Variants in ZNF423 observed in about 807,000 individuals in gnomAD.
The protein encoded by ZNF423 is Ebf-associated zinc finger protein.
ZNF423 carries 12 observed loss-of-function variants against 95.8 expected under a neutral mutation model. The ratio of observed to expected loss-of-function variants is 0.13; its 90% CI spans 0.08 to 0.20. The LOEUF (loss-of-function observed/expected upper bound fraction) is 0.20, where lower values mean the gene tolerates loss of function less well. Among genes scored for constraint, ZNF423 ranks in the 10% least tolerant of loss-of-function variants. The probability of loss-of-function intolerance (pLI) is 1.00; values close to 1 mark genes in which losing one functional copy is unlikely to be tolerated. For missense variants in ZNF423, 1,316 were observed against 1,737.1 expected, an observed-to-expected ratio of 0.76 and a Z score of 4.31; for synonymous variants, 749 against 711.9, an observed-to-expected ratio of 1.05 and a Z score of -0.83.
rs1255081460 is a variant in ZNF423, at chr16:49,855,399, G to A, written c.40+336C>T. ...ACCCCTTGATTGGCCACACGGGCCC[G>A]GGCCCCGCACGGAGGGAGCGGCAAG... is the stretch of plus-strand genomic sequence containing the variant. On this transcript the variant is annotated intron_variant, in intron 1 of 7. Transcript: ENST00000563137. This position sits in a 1 kb window ranked among gnomAD's most constrained non-coding sequence, Gnocchi z 4.7. Among the ~76,000 whole-genome samples the A allele has an allele frequency of 4.7e-5, 7 of 149,342 alleles. No homozygotes were observed. Among genetic ancestry groups the A allele is most frequent in the African/African-American group, 1.5e-4 (6 of 40,342 alleles).
intron 5 of ZNF423, among the ~76,000 whole-genome samples, chr16:49,529,467 C>A (rs1398570507): frequency 6.6e-6 from 1 of 152,146 alleles, no homozygotes; most frequent in African/African-American, 2.4e-5. Flanking sequence ...ATAGGATGTG[C>A]TTTTGCTTAA....
rs2035354541 is a variant in ZNF423, at chr16:49,855,520, G to GCCGCCGCCGCCGCCGCCGCCGCCT, written c.40+214_40+215insAGGCGGCGGCGGCGGCGGCGGCGG. ...TCCGCGGCGTACCCCCTCCGCCGCC[G>GCCGCCGCCGCCGCCGCCGCCGCCT]CCGCCGCCGCCGCCGCCTCCGCCTC... On this transcript the variant is annotated intron_variant, in intron 1 of 7. Coordinates refer to ENST00000563137, the MANE Select transcript of ZNF423 (RefSeq NM_001379286.1). This position sits in a 1 kb window ranked among gnomAD's most constrained non-coding sequence, Gnocchi z 4.7. Among the ~76,000 whole-genome samples, 3 of 145,468 alleles carry GCCGCCGCCGCCGCCGCCGCCGCCT rather than the reference G, an allele frequency of 2.1e-5. No individual in the cohort carries two copies. Among genetic ancestry groups the GCCGCCGCCGCCGCCGCCGCCGCCT allele is most frequent in the South Asian group, 2.3e-4 (1 of 4,436 alleles).
At chr16:49,537,552 A>C (rs1969095354) in intron 5 of ZNF423, among the ~76,000 whole-genome samples, 1 of 152,186 alleles carries the variant, frequency 6.6e-6, no homozygotes, top group African/African-American at 2.4e-5. Context: ...CATGATTGCG[A>C]CGCTAATACC....
chr16:49,843,417 C>T (rs2035211893), intron 1 of ZNF423, among the ~76,000 whole-genome samples: 1 of 152,184 alleles, frequency 6.6e-6, no homozygotes, highest in Admixed American at 6.5e-5. Flanking sequence ...TTACCCCCAT[C>T]CTCAGAGATT....
intron 1 of ZNF423, among the ~76,000 whole-genome samples, chr16:49,823,269 T>A (rs1042373370): frequency 6.6e-6 from 1 of 152,246 alleles, no homozygotes; most frequent in Non-Finnish European, 1.5e-5. Context: ...GGGCTTCTGT[T>A]CAGAGCAACC....
chr16:49,719,261 G>T (rs952796106), intron 3 of ZNF423, among the ~76,000 whole-genome samples: 1 of 152,194 alleles, frequency 6.6e-6, no homozygotes, highest in African/African-American at 2.4e-5. Context: ...CAGACCTGAC[G>T]GGAAAGGAAG....
At chr16:49,688,711 T>C (rs927571389) in intron 3 of ZNF423, among the ~76,000 whole-genome samples, 2 of 152,198 alleles carry the variant, frequency 1.3e-5, no homozygotes, top group African/African-American at 2.4e-5. Context: ...GATGATTGTG[T>C]TATTCACGTG....
chr16:49,508,870 C>T (rs1237517804), intron 7 of ZNF423, among the ~76,000 whole-genome samples: 1 of 152,208 alleles, frequency 6.6e-6, no homozygotes, highest in South Asian at 2.1e-4. Flanking sequence ...GCATAAGATG[C>T]TCCAGTATTT....
intron 5 of ZNF423, among the ~76,000 whole-genome samples, chr16:49,597,201 G>A (rs1173485102): frequency 6.6e-6 from 1 of 151,978 alleles, no homozygotes; most frequent in African/African-American, 2.4e-5. Flanking sequence ...CCTCTGGCCA[G>A]GGGAAGATCA....
intron 7 of ZNF423, among the ~76,000 whole-genome samples, chr16:49,504,361 C>T (rs1567428902): frequency 6.6e-6 from 1 of 152,220 alleles, no homozygotes; most frequent in African/African-American, 2.4e-5. Flanking sequence ...GTGGGCAGAA[C>T]ACTTGAGGCC....
Position 49,626,263 on chromosome 16 carries a change from A to G in ZNF423, c.3517-9T>C, listed in dbSNP as rs2151865195. On this transcript the variant is annotated splice_polypyrimidine_tract_variant and intron_variant, in intron 4 of 7. Coordinates refer to ENST00000563137, the MANE Select transcript of ZNF423 (RefSeq NM_001379286.1). ...CACTGGTATGTCTTTTTCTGTTTGGAAACCAAAAATAAAAGATTTAGAGAG... is the reference window on the plus strand; with the variant it reads ...CACTGGTATGTCTTTTTCTGTTTGGGAACCAAAAATAAAAGATTTAGAGAG... The G allele has an allele frequency of 6.2e-7, 1 of 1,613,540 alleles. No homozygotes were observed. Among genetic ancestry groups the G allele is most frequent in the Non-Finnish European group, 8.5e-7 (1 of 1,179,594 alleles).
intron 2 of ZNF423, among the ~76,000 whole-genome samples, chr16:49,765,753 G>A (rs1398886092): frequency 6.6e-6 from 1 of 152,078 alleles, no homozygotes; most frequent in Non-Finnish European, 1.5e-5. Flanking sequence ...GAAAAGGGAG[G>A]AAATTCTAAT....
At chr16:49,765,479 G>A (rs1019800119) in intron 2 of ZNF423, among the ~76,000 whole-genome samples, 3 of 152,130 alleles carry the variant, frequency 2.0e-5, no homozygotes, top group South Asian at 2.1e-4. Context: ...GGGAGGCCAA[G>A]GCAGGAGGAT....
intron 5 of ZNF423, 93 bp downstream of exon 5, chr16:49,626,077 T>C (rs530585830): frequency 4.9e-5 from 61 of 1,252,252 alleles, no homozygotes; most frequent in Non-Finnish European, 6.7e-5. Flanking sequence ...ACTCTGTCCT[T>C]TGGCCTAAAA....
At chr16:49,501,744 A>G (rs187753723) in intron 7 of ZNF423, among the ~76,000 whole-genome samples, 2 of 152,322 alleles carry the variant, frequency 1.3e-5, no homozygotes, top group Admixed American at 6.5e-5. Flanking sequence ...GGATGCAGCT[A>G]GCAGCCATTA....
chr16:49,815,877 AAAAAATAT>A lies in ZNF423; in HGVS notation c.41-26339_41-26332del, dbSNP rs1280560162. On this transcript the variant is annotated intron_variant, in intron 1 of 7. Coordinates refer to ENST00000563137, the MANE Select transcript of ZNF423 (RefSeq NM_001379286.1). Reference sequence around the variant, plus strand: ...ATTCTAATTCCAAACAAACAAAAAAAAAAAATATATATATATATATATATATATATATA... The same window carrying A: ...ATTCTAATTCCAAACAAACAAAAAAAATATATATATATATATATATATATA... Among the ~76,000 whole-genome samples the A allele has an allele frequency of 5.1e-3, 328 of 63,984 alleles. 1 individual carries two copies. Among genetic ancestry groups the A allele is most frequent in the Non-Finnish European group, 7.2e-3 (262 of 36,168 alleles). 42.0% of individuals were successfully genotyped at this position (63,984 alleles called of 152,430 possible).
chr16:49,614,871 C>T (rs1971824976), intron 5 of ZNF423, among the ~76,000 whole-genome samples: 1 of 152,224 alleles, frequency 6.6e-6, no homozygotes. Flanking sequence ...TGGCTCACAA[C>T]AGTAATCCCA....
rs562825775 is a variant in ZNF423 at position 49,735,765 on chromosome 16, G to A, written c.101-4794C>T. The stretch of plus-strand genomic sequence containing the variant: ...TCAACAGCTCCCAGCTTCCAGCACC[G>A]ACTTCAGCCATGGGAGCACACCATC... On this transcript the variant is annotated intron_variant, in intron 2 of 7. Transcript: ENST00000563137. 3.9e-5 allele frequency among the ~76,000 whole-genome samples: 6 copies of A among 152,226 alleles called. No individual in the cohort carries two copies. In the South Asian group the frequency reaches 8.3e-4, roughly 21 times the overall value.
intron 5 of ZNF423, among the ~76,000 whole-genome samples, chr16:49,609,657 G>C (rs1022936422): frequency 6.6e-6 from 1 of 151,968 alleles, no homozygotes; most frequent in Non-Finnish European, 1.5e-5. Context: ...TGAAATAGGA[G>C]ATAGAATAAT....
Sources: allele counts gnomAD v4.1 joint callset (sites outside exome capture counted in the v4.1 genomes callset), GRCh38; gene constraint gnomAD v4.1.1; non-coding constraint Gnocchi (gnomAD v3.1); transcripts MANE v1.5; gene names NCBI Gene and HGNC (gene_info 2026-07-23, HGNC 2026-07-21).